The following DAPK1 variants were observed in gnomAD, a reference collection of about 807,000 sequenced individuals.
The protein encoded by DAPK1 is death-associated protein kinase 1.
In DAPK1, 56 loss-of-function variants were observed where a neutral mutation model predicts 144.9. That is an observed-to-expected ratio of 0.39 (90% CI 0.31 to 0.48). DAPK1 has a LOEUF of 0.48. Ranked by LOEUF, DAPK1 falls within the 20% of genes least tolerant of loss-of-function variation. The pLI is 0.95. For synonymous variants in DAPK1, 690 were observed against 749.0 expected, an observed-to-expected ratio of 0.92 and a Z score of 1.29; for missense variants, 1,454 against 1,875.4, an observed-to-expected ratio of 0.78 and a Z score of 4.15.
chr9:87,678,396 C>CT (rs1824483441), intron 19 of DAPK1, among the ~76,000 whole-genome samples: 1 of 152,238 alleles, frequency 6.6e-6, no homozygotes, highest in Non-Finnish European at 1.5e-5. Context: ...CCAGCAGGTC[C>CT]CTGCACTCAC....
chr9:87,572,906 A>C (rs911950417), intron 2 of DAPK1, among the ~76,000 whole-genome samples: 4 of 152,232 alleles, frequency 2.6e-5, no homozygotes, highest in Non-Finnish European at 5.9e-5. Context: ...TGCGGCCCAC[A>C]GAATGCATTG....
Position 87,640,524 on chromosome 9 carries a change from C to T in DAPK1, c.782+74C>T. 2.7e-6 allele frequency: 4 copies of T among 1,494,532 alleles called. No homozygotes were observed. In the East Asian group the frequency reaches 6.8e-5, roughly 25 times the overall value. The allele number at this position is 1,494,532 out of a possible 1,614,324, so 92.6% of individuals were successfully genotyped here. Reference sequence around the variant, plus strand: ...CCAGAGCCTGTGTCTGTTCCATGCACAGGGCCACGTTCCTCAGACCCTGCT... The same window carrying T: ...CCAGAGCCTGTGTCTGTTCCATGCATAGGGCCACGTTCCTCAGACCCTGCT... On this transcript the variant is annotated intron_variant, in intron 8 of 25. Transcript: ENST00000408954.
chr9:87,637,009 C>T (rs1829921167), intron 3 of DAPK1, among the ~76,000 whole-genome samples: 1 of 152,096 alleles, frequency 6.6e-6, no homozygotes, highest in Non-Finnish European at 1.5e-5. Context: ...TGACCACTCC[C>T]CTCCACCCAC....
chr9:87,622,589 T>C (rs1200308651), intron 3 of DAPK1, among the ~76,000 whole-genome samples: 2 of 152,166 alleles, frequency 1.3e-5, no homozygotes, highest in African/African-American at 4.8e-5. Context: ...AATGCCTCCT[T>C]ATATTCCACA....
intron 17 of DAPK1, among the ~76,000 whole-genome samples, chr9:87,653,969 C>T (rs1830546108): frequency 6.6e-6 from 1 of 152,202 alleles, no homozygotes; most frequent in Non-Finnish European, 1.5e-5. Flanking sequence ...GCTGGGTTTA[C>T]AGGCATGAGC....
chr9:87,572,306 A>G (rs1827390865), intron 2 of DAPK1, among the ~76,000 whole-genome samples: 1 of 152,202 alleles, frequency 6.6e-6, no homozygotes, highest in South Asian at 2.1e-4. Context: ...ACCGGGTTCT[A>G]TGACAATGGC....
chr9:87,687,135 A>G (rs942808333), intron 21 of DAPK1, among the ~76,000 whole-genome samples: 3 of 152,160 alleles, frequency 2.0e-5, no homozygotes, highest in African/African-American at 7.2e-5. Flanking sequence ...TGTTGGGAAC[A>G]TTTCAAGTCC....
chr9:87,635,533 G>A (rs989952418), intron 3 of DAPK1, among the ~76,000 whole-genome samples: 2 of 152,070 alleles, frequency 1.3e-5, no homozygotes, highest in African/African-American at 2.4e-5. Context: ...CTCAACCAAT[G>A]GACCAGTTTT....
At chr9:87,541,710 A>G (rs957495770) in intron 2 of DAPK1, among the ~76,000 whole-genome samples, 1 of 152,226 alleles carries the variant, frequency 6.6e-6, no homozygotes, top group Non-Finnish European at 1.5e-5. Flanking sequence ...AACTGAAGAC[A>G]ACAATTAAGA....
chr9:87,603,340 C>T (rs967345643), intron 2 of DAPK1, among the ~76,000 whole-genome samples: 3 of 152,132 alleles, frequency 2.0e-5, no homozygotes, highest in African/African-American at 4.8e-5. Flanking sequence ...ACATAGACCC[C>T]GTAATTGTTT....
At chr9:87,587,221 C>T (rs1039572024) in intron 2 of DAPK1, among the ~76,000 whole-genome samples, 3 of 152,194 alleles carry the variant, frequency 2.0e-5, no homozygotes, top group African/African-American at 7.2e-5. Flanking sequence ...TCATATAAGG[C>T]AGCCAGCAGC....
At chr9:87,625,001 C>G (rs1018760907) in intron 3 of DAPK1, among the ~76,000 whole-genome samples, 1 of 152,070 alleles carries the variant, frequency 6.6e-6, no homozygotes, top group Admixed American at 6.6e-5. Flanking sequence ...CCGGTGGTCC[C>G]GAGACCATCA....
At chr9:87,512,744 A>G (rs1377750227) in intron 2 of DAPK1, among the ~76,000 whole-genome samples, 2 of 152,168 alleles carry the variant, frequency 1.3e-5, no homozygotes, top group Non-Finnish European at 2.9e-5. Flanking sequence ...TCCAGGTTCA[A>G]GAGATTCTCC....
At chr9:87,575,733 C>A (rs1190378048) in intron 2 of DAPK1, among the ~76,000 whole-genome samples, 1 of 151,990 alleles carries the variant, frequency 6.6e-6, no homozygotes, top group East Asian at 1.9e-4. Flanking sequence ...TCCCTCCCGA[C>A]TTTTTTTTGA....
chr9:87,553,251 G>A (rs961414044), intron 2 of DAPK1, among the ~76,000 whole-genome samples: 7 of 150,456 alleles, frequency 4.7e-5, no homozygotes, highest in African/African-American at 1.7e-4. Context: ...TGTGGGGGGG[G>A]TTGGGTGATT....
At chr9:87,652,274 C>T (rs535873506) in intron 17 of DAPK1, among the ~76,000 whole-genome samples, 138 of 137,390 alleles carry the variant, frequency 1.0e-3, no homozygotes, top group Non-Finnish European at 1.4e-3. Context: ...TCCCCCCGAT[C>T]CCGGGTCCTG....
chr9:87,554,696 A>G (rs1331912530), intron 2 of DAPK1, among the ~76,000 whole-genome samples: 1 of 152,196 alleles, frequency 6.6e-6, no homozygotes, highest in African/African-American at 2.4e-5. Flanking sequence ...GCTGATCTCC[A>G]TGGCAACCTG....
chr9:87,623,638 G>C (rs989555519), intron 3 of DAPK1, among the ~76,000 whole-genome samples: 12 of 152,336 alleles, frequency 7.9e-5, no homozygotes, highest in Non-Finnish European at 1.8e-4. Context: ...CTATGGGCTA[G>C]AGGGTGGGTT....
At position 87,688,163 on chromosome 9, in the gene DAPK1, T is replaced by A. The variant is rs1009951484; in HGVS notation, c.2413+1424T>A. Among the ~76,000 whole-genome samples, 6 of 151,326 alleles carry A rather than the reference T, an allele frequency of 4.0e-5. No individual in the cohort carries two copies. In the Admixed American group the frequency reaches 4.0e-4, roughly 10 times the overall value. On this transcript the variant is annotated intron_variant, in intron 21 of 25. Coordinates refer to ENST00000408954, the MANE Select transcript of DAPK1 (RefSeq NM_004938.4). ...ACATCCATGAGTACCGAATGTTTAG[T>A]ACCCCCTTATAAGTGAGAACATGCC...
Sources: gnomAD v4.1 joint callset for allele counts (sites outside exome capture counted in the v4.1 genomes callset) on GRCh38, gnomAD v4.1.1 for gene constraint, MANE v1.5 for transcripts, NCBI Gene and HGNC (gene_info 2026-07-23, HGNC 2026-07-21) for gene names.